The following LRRIQ1 variants were observed in gnomAD, a reference collection of about 807,000 sequenced individuals.
LRRIQ1 encodes the protein leucine-rich repeat- and IQ domain-containing protein 1.
In LRRIQ1, 210 loss-of-function variants were observed where a neutral mutation model predicts 211.9. That is an observed-to-expected ratio of 0.99 (90% CI 0.89 to 1.11). The LOEUF (loss-of-function observed/expected upper bound fraction) is 1.11, where lower values mean the gene tolerates loss of function less well. Ranked by LOEUF, LRRIQ1 falls within the 50% of genes most tolerant of loss-of-function variation. The pLI is 0.00. For missense variants in LRRIQ1, 2,136 were observed against 1,939.5 expected, an observed-to-expected ratio of 1.10 and a Z score of -1.90; for synonymous variants, 699 against 650.1, an observed-to-expected ratio of 1.08 and a Z score of -1.14.
intron 9 of LRRIQ1, among the ~76,000 whole-genome samples, chr12:85,066,237 A>G (rs1882416100): frequency 6.6e-6 from 1 of 151,916 alleles, no homozygotes; most frequent in African/African-American, 2.4e-5. Flanking sequence ...CATCAGGCTC[A>G]AGCTCAAAGC....
At chr12:85,112,405 G>A (rs188175564) in intron 15 of LRRIQ1, among the ~76,000 whole-genome samples, 60 of 150,698 alleles carry the variant, frequency 4.0e-4, no homozygotes, top group Non-Finnish European at 4.3e-4. Flanking sequence ...TATATTAATA[G>A]CATAAGAAAT....
intron 24 of LRRIQ1, among the ~76,000 whole-genome samples, chr12:85,223,497 T>C (rs2137141964): frequency 6.6e-6 from 1 of 152,300 alleles, no homozygotes; most frequent in Middle Eastern, 3.4e-3. Context: ...CAGTATCTTG[T>C]AGTGATATTA....
At chr12:85,077,675 G>C (rs1455040829) in intron 11 of LRRIQ1, among the ~76,000 whole-genome samples, 1 of 151,938 alleles carries the variant, frequency 6.6e-6, no homozygotes, top group Non-Finnish European at 1.5e-5. Context: ...AGGCATGGTG[G>C]CTTACACCTG....
exon 2 of LRRIQ1, chr12:85,263,518 A>G (rs1331236094): frequency 6.6e-6 from 1 of 152,018 alleles, no homozygotes; most frequent in Non-Finnish European, 1.5e-5. Flanking sequence ...ACATGGAATA[A>G]CTGAAAATAA....
intron 11 of LRRIQ1, among the ~76,000 whole-genome samples, chr12:85,078,808 G>A (rs771742689): frequency 6.6e-6 from 1 of 152,016 alleles, no homozygotes; most frequent in Non-Finnish European, 1.5e-5. Flanking sequence ...TATGGGTTAT[G>A]TCTAGCAATA....
chr12:85,068,213 C>T (rs559413500), intron 10 of LRRIQ1, among the ~76,000 whole-genome samples: 1 of 151,700 alleles, frequency 6.6e-6, no homozygotes. Flanking sequence ...TACTGGGCTC[C>T]CAGAGGATAC....
chr12:85,225,196 G>T (rs1233821617), intron 24 of LRRIQ1, among the ~76,000 whole-genome samples: 1 of 152,008 alleles, frequency 6.6e-6, no homozygotes, highest in Non-Finnish European at 1.5e-5. Context: ...TGGGCATTAT[G>T]AGTAATCTAT....
At chr12:85,218,940 C>T (rs1051744254) in intron 24 of LRRIQ1, among the ~76,000 whole-genome samples, 2 of 151,968 alleles carry the variant, frequency 1.3e-5, no homozygotes, top group Non-Finnish European at 2.9e-5. Context: ...TAAATTTTTG[C>T]ATTACTTTTG....
chr12:85,143,387 G>A (rs1285210566), intron 19 of LRRIQ1, among the ~76,000 whole-genome samples: 4 of 151,464 alleles, frequency 2.6e-5, no homozygotes, highest in African/African-American at 7.3e-5. Context: ...TTGTAAATAT[G>A]TTCTCCCATT....
intron 13 of LRRIQ1, among the ~76,000 whole-genome samples, chr12:85,099,258 A>G (rs763752206): frequency 4.6e-5 from 7 of 151,856 alleles, no homozygotes; most frequent in Admixed American, 1.3e-4. Context: ...ACTTGTATAA[A>G]TCTCTCAGGG....
chr12:85,138,577 G>T (rs7956264), intron 19 of LRRIQ1, among the ~76,000 whole-genome samples: 3 of 151,336 alleles, frequency 2.0e-5, no homozygotes. Flanking sequence ...AGTTTCTCAG[G>T]ACATAAAATT....
chr12:85,232,543 G>A (rs192834139), intron 25 of LRRIQ1, among the ~76,000 whole-genome samples, 153 bp from the exon 26 acceptor site: 1 of 152,206 alleles, frequency 6.6e-6, no homozygotes. Context: ...ATGTACATTT[G>A]TACTTATTTT....
intron 26 of LRRIQ1, among the ~76,000 whole-genome samples, chr12:85,242,206 T>A (rs949626222): frequency 9.2e-5 from 14 of 152,060 alleles, no homozygotes; most frequent in Non-Finnish European, 2.1e-4. Context: ...TATTTTGGAA[T>A]CCAACATACG....
chr12:85,098,615 C>A, intron 12 of LRRIQ1, 67 bp downstream of exon 12: 2 of 1,332,792 alleles, frequency 1.5e-6, no homozygotes, highest in Non-Finnish European at 2.1e-6. Context: ...AAATACCAAT[C>A]ACATATTAAA....
intron 24 of LRRIQ1, among the ~76,000 whole-genome samples, chr12:85,214,553 A>G (rs1036287406): frequency 2.0e-5 from 3 of 152,032 alleles, no homozygotes; most frequent in South Asian, 4.1e-4. Context: ...AAGGATATAG[A>G]AAACAGCAGC....
At chr12:85,125,891 T>C (rs1418559599) in intron 17 of LRRIQ1, among the ~76,000 whole-genome samples, 1 of 152,114 alleles carries the variant, frequency 6.6e-6, no homozygotes, top group Non-Finnish European at 1.5e-5. Flanking sequence ...AAAATATAGA[T>C]AAACTAAAGA....
Position 85,098,907 on chromosome 12 carries a change from A to G in LRRIQ1, c.3122A>G (p.His1041Arg). 2 of 1,570,518 alleles carry G rather than the reference A, an allele frequency of 1.3e-6. No homozygotes were observed. Among genetic ancestry groups the G allele is most frequent in the Non-Finnish European group, 1.7e-6 (2 of 1,156,628 alleles). Residue 1041 changes from histidine to arginine, a missense_variant, in exon 13 of 27, where the codon CAC becomes CGC. By Grantham distance (29) the His-to-Arg change is conservative. Transcript: ENST00000393217. ...AATCTTGTTTTACTAAGAGAATTGC[A>G]CTTGGATGATAACAGCATTTCAACT... is the stretch of plus-strand genomic sequence containing the variant. ...LENLVLLREL[H>R]LDDNSISTVE...
At chr12:85,113,237 G>A (rs935818305) in intron 15 of LRRIQ1, among the ~76,000 whole-genome samples, 2 of 152,096 alleles carry the variant, frequency 1.3e-5, no homozygotes, top group African/African-American at 4.8e-5. Context: ...AAATTCTGGA[G>A]GGTGCAGAGT....
intron 4 of LRRIQ1, among the ~76,000 whole-genome samples, chr12:85,045,293 G>C (rs1268201347): frequency 6.6e-6 from 1 of 151,718 alleles, no homozygotes; most frequent in African/African-American, 2.4e-5. Context: ...CCCACAAATG[G>C]ATTTAAGAGA....
Sources: gnomAD v4.1 joint callset for allele counts (sites outside exome capture counted in the v4.1 genomes callset) on GRCh38, gnomAD v4.1.1 for gene constraint, MANE v1.5 for transcripts, NCBI Gene and HGNC (gene_info 2026-07-23, HGNC 2026-07-21) for gene names.